Variants in DDX42 observed in about 807,000 individuals in gnomAD.
DDX42 encodes the protein DEAD-box helicase 42.
A neutral mutation model predicts 101.5 loss-of-function variants in DDX42; 22 were observed. That is an observed-to-expected ratio of 0.22 (90% confidence interval 0.15 to 0.31). The LOEUF is 0.31. Among genes scored for constraint, DDX42 ranks in the 10% least tolerant of loss-of-function variants. DDX42 has a pLI of 1.00. For missense variants in DDX42, 849 were observed against 1,199.9 expected (o/e 0.71, Z 4.32); for synonymous variants, 402 against 401.2 (o/e 1.00, Z -0.02).
Position 63,805,195 on chromosome 17 carries a change from ATATTCT to A in DDX42, c.726+23_726+28del. ...CTTCGGGTAAGCATCATTAAGCTCA[ATATTCT>A]TAATATTAATGTTAATTAGTCCAGA... On this transcript the variant is annotated intron_variant, in intron 7 of 17. Transcript: ENST00000389924. The A allele has an allele frequency of 6.2e-7, 1 of 1,604,966 alleles. No individual in the cohort carries two copies. The highest frequency in any genetic ancestry group is 8.5e-7 in the Non-Finnish European group (1 of 1,177,300).
intron 17 of DDX42, 115 bp downstream of exon 17, chr17:63,817,081 G>A (rs184846345): frequency 2.4e-4 from 182 of 753,740 alleles, no homozygotes; most frequent in Non-Finnish European, 3.6e-4. Flanking sequence ...TAGATTTAGG[G>A]TCTTCACGCT....
chr17:63,787,195 G>A lies in DDX42; in HGVS notation c.146G>A (p.Gly49Glu), dbSNP rs770246027. ...GCAACCAGCTCTTCTTCTGGATTTG[G>A]AAAGTCAGCTCCACCACAGCTTCCT... ...FGATSSSSGF[G>E]KSAPPQLPSF... The change falls in exon 2 of 18, where the codon GGA becomes GAA. Residue 49 changes from glycine to glutamate, a missense_variant. Physicochemically the swap from Gly to Glu is moderately conservative, Grantham distance 98. Around this residue, in one of 5 missense-constraint regions of DDX42, gnomAD observed 92 missense variants for 106.7 expected, o/e 0.86. Transcript: ENST00000389924. 1 of 1,614,160 alleles carries A rather than the reference G, an allele frequency of 6.2e-7. No individual in the cohort carries two copies. The highest frequency in any genetic ancestry group is 2.2e-5 in the East Asian group (1 of 44,882).
intron 3 of DDX42, among the ~76,000 whole-genome samples, chr17:63,794,598 T>C (rs1024402651): frequency 1.3e-5 from 2 of 151,412 alleles, no homozygotes; most frequent in African/African-American, 4.9e-5. Context: ...GGTGGGAGAA[T>C]TGCTTGAGGT....
chr17:63,809,695 CTCA>C (rs1306947193), intron 11 of DDX42, 36 bp downstream of exon 11: 1 of 1,528,322 alleles, frequency 6.5e-7, no homozygotes, highest in South Asian at 1.1e-5. Context: ...TGTCCCCATC[CTCA>C]TGATACTAGT....
intron 1 of DDX42, among the ~76,000 whole-genome samples, chr17:63,786,619 A>G (rs536005213): frequency 4.6e-4 from 70 of 152,308 alleles, no homozygotes; most frequent in Middle Eastern, 6.8e-3. Flanking sequence ...GAGAAGCTAA[A>G]ATTTAAAATA....
chr17:63,813,673 G>T (rs1219327534), intron 15 of DDX42, among the ~76,000 whole-genome samples: 2 of 152,110 alleles, frequency 1.3e-5, no homozygotes, highest in Non-Finnish European at 2.9e-5. Context: ...CTATTCCTTT[G>T]TGCTAAAATC....
rs1568255581 is a variant in DDX42 at position 63,774,365 on chromosome 17, C to T, written c.-28C>T. 4.2e-6 allele frequency: 1 copy of T among 236,008 alleles called. No homozygotes were observed. Among genetic ancestry groups the T allele is most frequent in the South Asian group, 1.4e-4 (1 of 7,304 alleles). 14.6% of individuals were successfully genotyped at this position (236,008 alleles called of 1,614,324 possible). A position where few individuals can be genotyped will look rare whatever the true frequency, so the allele number is the denominator to read the frequency against. On this transcript the variant is annotated 5_prime_UTR_variant, in exon 1 of 18. Coordinates refer to ENST00000389924, the MANE Select transcript of DDX42 (RefSeq NM_203499.3). The stretch of plus-strand genomic sequence containing the variant: ...GCGGTTGTAGCAGCTGCCGCTGCAG[C>T]CATAGCAGCAGGTTTGTGCGTGGGG...
Position 63,809,650 on chromosome 17 carries a change from A to G in DDX42, c.1243A>G (p.Met415Val). Residue 415 changes from methionine to valine, a missense_variant, in exon 11 of 18, where the codon ATG becomes GTG. By Grantham distance (21) the Met-to-Val change is conservative. This residue lies in a region of DDX42 where 370 missense variants were observed against 608.8 expected (regional missense o/e 0.61). Transcript: ENST00000389924. ...TGATGAAGCAGATCGAATGTTTGAC[A>G]TGGGATTTGGTATGCCTTGAATACC... is the stretch of plus-strand genomic sequence containing the variant. ...VFDEADRMFD[M>V]GFEYQVRSIA... 1.2e-6 allele frequency: 2 copies of G among 1,613,776 alleles called. No homozygotes were observed. Among genetic ancestry groups the G allele is most frequent in the East Asian group, 2.2e-5 (1 of 44,882 alleles).
rs756010101 is a variant in DDX42 at position 63,818,441 on chromosome 17, A to G, written c.*43A>G. On this transcript the variant is annotated 3_prime_UTR_variant, in exon 18 of 18. Transcript: ENST00000389924. ...GTGAAATCAGTTGTCCTTAATTTTT[A>G]GAAAGATTTTGGTAACTAGGTGTCT... The G allele has an allele frequency of 3.2e-6, 5 of 1,566,762 alleles. No homozygotes were observed. Among genetic ancestry groups the G allele is most frequent in the Non-Finnish European group, 4.3e-6 (5 of 1,157,948 alleles).
chr17:63,786,003 C>T (rs1399553206), intron 1 of DDX42, among the ~76,000 whole-genome samples: 2 of 152,134 alleles, frequency 1.3e-5, no homozygotes, highest in African/African-American at 4.8e-5. Context: ...CTCCAGTGGC[C>T]TTGCACATAT....
At chr17:63,800,232 A>G in intron 5 of DDX42, 1 of 422,226 alleles carries the variant, frequency 2.4e-6, no homozygotes, top group East Asian at 4.0e-5. Context: ...ACAGATTTGT[A>G]AGTCTTCTAT....
chr17:63,806,452 T>C, intron 7 of DDX42, 83 bp from the exon 8 acceptor site: 2 of 1,413,326 alleles, frequency 1.4e-6, no homozygotes, highest in Non-Finnish European at 1.9e-6. Context: ...GCTAAAATGC[T>C]AGATCCAGGT....
intron 2 of DDX42, among the ~76,000 whole-genome samples, chr17:63,788,520 A>G (rs1469680710): frequency 6.7e-6 from 1 of 148,694 alleles, no homozygotes; most frequent in Non-Finnish European, 1.5e-5. Context: ...GTTAGCCACA[A>G]TGGTCTCAAT....
intron 1 of DDX42, among the ~76,000 whole-genome samples, chr17:63,778,304 A>C (rs1269349349): frequency 6.6e-6 from 1 of 152,202 alleles, no homozygotes; most frequent in African/African-American, 2.4e-5. Context: ...CTGGATGTAC[A>C]TCCACATTAC....
At chr17:63,814,335 T>C (rs1037908469) in intron 15 of DDX42, among the ~76,000 whole-genome samples, 1 of 152,186 alleles carries the variant, frequency 6.6e-6, no homozygotes, top group African/African-American at 2.4e-5. Context: ...CAGAAACTGT[T>C]AAGAGTTTGT....
chr17:63,781,524 G>A (rs2039487743), intron 1 of DDX42, among the ~76,000 whole-genome samples: 2 of 151,818 alleles, frequency 1.3e-5, no homozygotes, highest in Admixed American at 6.6e-5. Context: ...GCACATTTTA[G>A]TTCTTAACTT....
chr17:63,797,173 G>A (rs2039703544), intron 3 of DDX42, among the ~76,000 whole-genome samples: 1 of 152,008 alleles, frequency 6.6e-6, no homozygotes, highest in African/African-American at 2.4e-5. Context: ...CCAACATGGA[G>A]AAACCCCGTC....
rs2039876484 is a variant in DDX42, at chr17:63,808,948, A to G, written c.1152A>G (p.Pro384=). The change falls in exon 10 of 18, where the codon CCA becomes CCG. Residue 384 remains proline, a splice_region_variant and synonymous_variant. Coordinates refer to ENST00000389924, the MANE Select transcript of DDX42 (RefSeq NM_203499.3). Reference sequence around the variant, plus strand: ...GGGCAGAGATTGTTGTGTGTACCCCAGTAAGTATGCCTTGTGTTTAAATGG... The same window carrying G: ...GGGCAGAGATTGTTGTGTGTACCCCGGTAAGTATGCCTTGTGTTTAAATGG... ...QEGAEIVVCT[P]GRLIDHVKKK... The G allele has an allele frequency of 6.2e-7, 1 of 1,613,086 alleles. No homozygotes were observed. Among genetic ancestry groups the G allele is most frequent in the Non-Finnish European group, 8.5e-7 (1 of 1,179,570 alleles).
At chr17:63,817,371 G>T in intron 17 of DDX42, 2 of 312,588 alleles carry the variant, frequency 6.4e-6, no homozygotes, top group East Asian at 6.0e-5. Flanking sequence ...TTAAATTGCA[G>T]TATGAAAATT....
Sources: allele counts gnomAD v4.1 joint callset (sites outside exome capture counted in the v4.1 genomes callset), GRCh38; gene constraint gnomAD v4.1.1; regional missense constraint gnomAD v4.1.1; transcripts MANE v1.5; gene names NCBI Gene and HGNC (gene_info 2026-07-23, HGNC 2026-07-21).